RIMBP2: variants seen among roughly 807,000 people sequenced by gnomAD.
RIMBP2 encodes the protein RIMS binding protein 2.
Under a neutral mutation model 118.6 loss-of-function variants are expected in RIMBP2, and 48 were observed. That is an observed-to-expected ratio of 0.40 (90% CI 0.32 to 0.51). The LOEUF (loss-of-function observed/expected upper bound fraction) is 0.51. Ranked by LOEUF, RIMBP2 falls within the 20% of genes least tolerant of loss-of-function variation. The pLI is 0.41. For missense variants in RIMBP2, 1,551 were observed against 1,768.3 expected (o/e 0.88, Z 2.20); for synonymous variants, 762 against 742.9 (o/e 1.03, Z -0.42).
rs1482025984 is a variant in RIMBP2, at chr12:130,442,526, G to C, written c.826C>G (p.Leu276Val). 1.2e-6 allele frequency: 2 copies of C among 1,614,022 alleles called. No homozygotes were observed. Among genetic ancestry groups the C allele is most frequent in the Admixed American group, 1.7e-5 (1 of 60,010 alleles). Residue 276 changes from leucine to valine, a missense_variant, in exon 11 of 23, where the codon CTG becomes GTG. By Grantham distance (32) the Leu-to-Val change is conservative. Transcript: ENST00000690449. This position sits in a 1 kb window ranked among gnomAD's most constrained non-coding sequence, Gnocchi z 6.9. ...QNFINHSGIG[L>V]EGEHILDLHS... is the part of the protein sequence containing the mutation. ...AGGTCCAGGATGTGCTCTCCCTCCA[G>C]GCCGATGCCGGAATGGTTGATGAAG...
Position 130,414,090 on chromosome 12 carries a change from G to A in RIMBP2, c.3420+35C>T, listed in dbSNP as rs760321145. The A allele has an allele frequency of 3.7e-6, 6 of 1,609,712 alleles. No individual in the cohort carries two copies. The African/African-American group carries it at 8.0e-5, about 22-fold the overall frequency. ...CCCATGACCCAGACCCGCCTCAGGGGCTGATGAAGCCGCCCGCAGGCAGCC... is the reference window on the plus strand; with the variant it reads ...CCCATGACCCAGACCCGCCTCAGGGACTGATGAAGCCGCCCGCAGGCAGCC... On this transcript the variant is annotated intron_variant, in intron 18 of 22. Coordinates refer to ENST00000690449, the MANE Select transcript of RIMBP2 (RefSeq NM_001393629.1).
At chr12:130,580,221 G>T (rs1479907468) in intron 2 of RIMBP2, among the ~76,000 whole-genome samples, 1 of 150,124 alleles carries the variant, frequency 6.7e-6, no homozygotes, top group Non-Finnish European at 1.5e-5. Flanking sequence ...AAGTAATATT[G>T]ACCCCATATG....
chr12:130,661,109 C>T (rs1360825185), intron 1 of RIMBP2, among the ~76,000 whole-genome samples: 2 of 152,222 alleles, frequency 1.3e-5, no homozygotes, highest in Non-Finnish European at 2.9e-5. Context: ...ACCAGAATAA[C>T]TGCCGCGGTG....
At chr12:130,638,038 C>T (rs952730027) in intron 1 of RIMBP2, among the ~76,000 whole-genome samples, 2 of 152,142 alleles carry the variant, frequency 1.3e-5, no homozygotes, top group African/African-American at 4.8e-5. Flanking sequence ...ATAGTGACTT[C>T]ACCAACATCT....
chr12:130,615,276 C>CATATATAT (rs202186208), intron 2 of RIMBP2, among the ~76,000 whole-genome samples: 10,260 of 100,034 alleles, frequency 0.1, 834 homozygotes, highest in Non-Finnish European at 0.15. Context: ...AATACACATA[C>CATATATAT]ATATATATAT....
Position 130,688,028 on chromosome 12 carries a change from C to G in RIMBP2, c.-352+28194G>C, listed in dbSNP as rs1405622449. ...GACCTGACAATCTCGGCCAACAGCT[C>G]AGATCAACTATTGTTAAAATTCGTA... On this transcript the variant is annotated intron_variant, in intron 1 of 22. Transcript: ENST00000690449. This position sits in a 1 kb window ranked among gnomAD's most constrained non-coding sequence, Gnocchi z 4.7. Among the ~76,000 whole-genome samples the G allele has an allele frequency of 1.3e-5, 2 of 152,212 alleles. No homozygotes were observed. The highest frequency in any genetic ancestry group is 4.8e-5 in the African/African-American group (2 of 41,444).
chr12:130,596,914 G>A (rs1215700724), intron 2 of RIMBP2, among the ~76,000 whole-genome samples: 1 of 152,222 alleles, frequency 6.6e-6, no homozygotes, highest in Admixed American at 6.5e-5. Flanking sequence ...TAGATAACTT[G>A]AGTGGCTCCA....
At chr12:130,599,627 T>C (rs1051031747) in intron 2 of RIMBP2, among the ~76,000 whole-genome samples, 4 of 152,212 alleles carry the variant, frequency 2.6e-5, no homozygotes, top group African/African-American at 9.7e-5. Flanking sequence ...CTAGCAAGGA[T>C]ACAGATGATT....
chr12:130,440,952 C>T (rs1017143699), intron 11 of RIMBP2, among the ~76,000 whole-genome samples: 15 of 152,070 alleles, frequency 9.9e-5, no homozygotes, highest in Non-Finnish European at 2.1e-4. Flanking sequence ...AGCAAGAAGA[C>T]GAAGAAAGTG....
chr12:130,485,778 G>T (rs903045767), intron 4 of RIMBP2, among the ~76,000 whole-genome samples: 1 of 152,196 alleles, frequency 6.6e-6, no homozygotes, highest in Non-Finnish European at 1.5e-5. Flanking sequence ...GGATAAAGGG[G>T]TGGCGGATGC....
At position 130,562,258 on chromosome 12, in the gene RIMBP2, T is replaced by C. The variant is rs75002908; in HGVS notation, c.-216-44341A>G. Among the ~76,000 whole-genome samples, 1,145 of 152,302 alleles carry C rather than the reference T, an allele frequency of 7.5e-3. 22 individuals are homozygous for C. The highest frequency in any genetic ancestry group is 0.026 in the African/African-American group (1,075 of 41,552). Reference sequence around the variant, plus strand: ...AGAATACTTTATTCACAAGGAACAATAGTTCCATAAAATTCTTAATAGAGT... The same window carrying C: ...AGAATACTTTATTCACAAGGAACAACAGTTCCATAAAATTCTTAATAGAGT... On this transcript the variant is annotated intron_variant, in intron 2 of 22. Coordinates refer to ENST00000690449, the MANE Select transcript of RIMBP2 (RefSeq NM_001393629.1).
intron 2 of RIMBP2, among the ~76,000 whole-genome samples, chr12:130,539,625 G>A (rs2054395332): frequency 6.6e-6 from 1 of 151,056 alleles, no homozygotes; most frequent in Non-Finnish European, 1.5e-5. Flanking sequence ...AGGTGGCCAG[G>A]TGTAGGATAT....
intron 1 of RIMBP2, among the ~76,000 whole-genome samples, chr12:130,655,062 G>A (rs1372297085): frequency 6.6e-6 from 1 of 152,162 alleles, no homozygotes; most frequent in Admixed American, 6.5e-5. Flanking sequence ...GAGATTTGGG[G>A]GAGACACACA....
intron 1 of RIMBP2, among the ~76,000 whole-genome samples, chr12:130,713,478 G>T (rs1950111445): frequency 6.6e-6 from 1 of 152,190 alleles, no homozygotes; most frequent in African/African-American, 2.4e-5. Context: ...TTTCAAATGG[G>T]TGAAAGTCAA....
chr12:130,685,520 G>C (rs945522286), intron 1 of RIMBP2, among the ~76,000 whole-genome samples: 1 of 152,124 alleles, frequency 6.6e-6, no homozygotes, highest in African/African-American at 2.4e-5. Context: ...TGAGCATTTG[G>C]TTCAAAATCT....
chr12:130,658,962 C>T (rs2063540825), intron 1 of RIMBP2, among the ~76,000 whole-genome samples: 1 of 152,076 alleles, frequency 6.6e-6, no homozygotes, highest in Non-Finnish European at 1.5e-5. Flanking sequence ...TGCCAACCTC[C>T]CTTCCTCCAC....
At chr12:130,404,691 C>T (rs1448455213) in intron 21 of RIMBP2, among the ~76,000 whole-genome samples, 20 of 152,250 alleles carry the variant, frequency 1.3e-4, no homozygotes, top group Non-Finnish European at 8.8e-5. Context: ...TAAGAGGAGG[C>T]GCATGCTATG....
At chr12:130,452,730 C>T in intron 7 of RIMBP2, among the ~76,000 whole-genome samples, 1 of 152,216 alleles carries the variant, frequency 6.6e-6, no homozygotes, top group South Asian at 2.1e-4. Flanking sequence ...ACACTGTCCT[C>T]CAGCGTTCCG....
In RIMBP2 at chr12:130,397,304, C is replaced by CTAGT. The variant is rs1190958127; in HGVS notation, c.*53_*56dup. The CTAGT allele has an allele frequency of 1.5e-5, 6 of 398,308 alleles. No homozygotes were observed. Among genetic ancestry groups the CTAGT allele is most frequent in the African/African-American group, 1.2e-4 (6 of 48,706 alleles). 24.7% of individuals were successfully genotyped at this position (398,308 alleles called of 1,614,324 possible). On this transcript the variant is annotated 3_prime_UTR_variant, in exon 23 of 23. Coordinates refer to ENST00000690449, the MANE Select transcript of RIMBP2 (RefSeq NM_001393629.1). ...AGGAAGTACTTGAGTCATGAAAGCC[C>CTAGT]TAGTTTGGAATTAAAGAAAATTACA... is the stretch of plus-strand genomic sequence containing the variant.
Sources: allele counts gnomAD v4.1 joint callset (sites outside exome capture counted in the v4.1 genomes callset), GRCh38; gene constraint gnomAD v4.1.1; non-coding constraint Gnocchi (gnomAD v3.1); transcripts MANE v1.5; gene names NCBI Gene and HGNC (gene_info 2026-07-23, HGNC 2026-07-21).